EYS: variants seen among roughly 807,000 people sequenced by gnomAD.
EYS encodes protein eyes shut homolog.
In EYS, 250 loss-of-function variants were observed where a neutral mutation model predicts 282.1. The observed-to-expected ratio is 0.89, with a 90% CI of 0.80 to 0.98. EYS has a LOEUF of 0.98. Among genes scored for constraint, EYS ranks in the 50% least tolerant of loss-of-function variants. The pLI, the probability that EYS is intolerant of heterozygous loss-of-function variation, is 0.00. For missense variants in EYS, 4,016 were observed against 3,709.0 expected (o/e 1.08, Z -2.15); for synonymous variants, 1,355 against 1,282.9 (o/e 1.06, Z -1.20).
In EYS at chr6:64,190,593, C is replaced by T. The variant is rs1293396865; in HGVS notation, c.6424+39999G>A. Among the ~76,000 whole-genome samples, 3 of 152,182 alleles carry T rather than the reference C, an allele frequency of 2.0e-5. No homozygotes were observed. In the East Asian group the frequency reaches 5.8e-4, roughly 29 times the overall value. ...CTGAGGTAAAACCTAGCTCTTCTCA[C>T]TTCATAAATGGGAATTAAAACCCAA... On this transcript the variant is annotated intron_variant, in intron 31 of 42. Coordinates refer to ENST00000503581, the MANE Select transcript of EYS (RefSeq NM_001142800.2).
At chr6:65,250,882 A>T (rs553396141) in intron 12 of EYS, among the ~76,000 whole-genome samples, 2 of 152,036 alleles carry the variant, frequency 1.3e-5, no homozygotes, top group African/African-American at 4.8e-5. Flanking sequence ...TTAATTCTAC[A>T]ATAATGCTAG....
At chr6:64,815,600 C>T (rs902940666) in intron 21 of EYS, among the ~76,000 whole-genome samples, 2 of 151,920 alleles carry the variant, frequency 1.3e-5, no homozygotes, top group African/African-American at 4.8e-5. Flanking sequence ...TAAAAGGATG[C>T]CTTTCGTTTT....
chr6:64,058,008 GAGA>G (rs1487539049), intron 33 of EYS, among the ~76,000 whole-genome samples: 3 of 152,108 alleles, frequency 2.0e-5, no homozygotes, highest in African/African-American at 7.2e-5. Flanking sequence ...ATTTTTCGTA[GAGA>G]CGGGGTTTCA....
Position 64,602,988 on chromosome 6 carries a change from A to G in EYS, c.3685-9679T>C, listed in dbSNP as rs1278392930. Among the ~76,000 whole-genome samples the G allele has an allele frequency of 2.6e-5, 4 of 151,986 alleles. No homozygotes were observed. In the South Asian group the frequency reaches 6.2e-4, roughly 24 times the overall value. On this transcript the variant is annotated intron_variant, in intron 24 of 42. Transcript: ENST00000503581. Reference sequence around the variant, plus strand: ...CACTAGAGGAAAAATGCAAGCTGGTAGAAGAATAGGTCCTATTGCCTCTTG... The same window carrying G: ...CACTAGAGGAAAAATGCAAGCTGGTGGAAGAATAGGTCCTATTGCCTCTTG...
chr6:64,266,261 T>C (rs1248615155), intron 30 of EYS, among the ~76,000 whole-genome samples: 2 of 152,090 alleles, frequency 1.3e-5, no homozygotes, highest in African/African-American at 4.8e-5. Context: ...TTAATTAAGA[T>C]GATTAAGTTT....
At chr6:64,453,855 T>C (rs1284050972) in intron 26 of EYS, among the ~76,000 whole-genome samples, 2 of 152,084 alleles carry the variant, frequency 1.3e-5, no homozygotes, top group African/African-American at 4.8e-5. Flanking sequence ...CGGGGACTGT[T>C]GTGGCGTGGG....
At chr6:65,681,881 C>A (rs548061867) in intron 1 of EYS, among the ~76,000 whole-genome samples, 7 of 152,024 alleles carry the variant, frequency 4.6e-5, no homozygotes, top group African/African-American at 7.2e-5. Context: ...AAAATCTAAT[C>A]ATTAAGAAAT....
intron 31 of EYS, among the ~76,000 whole-genome samples, chr6:64,191,524 T>C (rs1388806001): frequency 5.7e-5 from 8 of 139,988 alleles, no homozygotes; most frequent in African/African-American, 2.1e-4. Flanking sequence ...TTCCCCTTCC[T>C]GTGTCCATGT....
chr6:64,312,814 C>A (rs1237596114), intron 29 of EYS, among the ~76,000 whole-genome samples: 2 of 152,204 alleles, frequency 1.3e-5, no homozygotes, highest in African/African-American at 2.4e-5. Flanking sequence ...AGAAAACTAA[C>A]AAACAGAAAG....
chr6:65,268,835 T>A (rs1031042981), intron 12 of EYS, among the ~76,000 whole-genome samples: 1 of 151,988 alleles, frequency 6.6e-6, no homozygotes, highest in Admixed American at 6.6e-5. Context: ...TGCTAAGATC[T>A]CTTGATATAA....
intron 5 of EYS, among the ~76,000 whole-genome samples, chr6:65,466,757 G>C (rs1298042461): frequency 1.3e-5 from 2 of 152,152 alleles, no homozygotes; most frequent in African/African-American, 4.8e-5. Context: ...AAGACCTTCA[G>C]ACACTAATTG....
At chr6:64,673,770 T>G (rs978601246) in intron 22 of EYS, among the ~76,000 whole-genome samples, 2 of 152,034 alleles carry the variant, frequency 1.3e-5, no homozygotes, top group African/African-American at 4.8e-5. Context: ...TACAGACAAC[T>G]AAACCACATT....
intron 15 of EYS, among the ~76,000 whole-genome samples, chr6:64,940,713 T>G (rs1021249997): frequency 1.2e-4 from 18 of 152,068 alleles, no homozygotes; most frequent in African/African-American, 3.9e-4. Flanking sequence ...CTTTTTTTTG[T>G]CACATAGTAT....
chr6:65,633,848 A>G (rs1767001382), intron 2 of EYS, among the ~76,000 whole-genome samples: 1 of 152,188 alleles, frequency 6.6e-6, no homozygotes, highest in African/African-American at 2.4e-5. Flanking sequence ...CATATTGTCT[A>G]TGGCTGTTTT....
chr6:63,811,194 G>T (rs539869665), intron 36 of EYS, among the ~76,000 whole-genome samples: 2 of 152,262 alleles, frequency 1.3e-5, no homozygotes, highest in South Asian at 4.1e-4. Flanking sequence ...ATGTTTCTCT[G>T]CTCAACATAC....
chr6:65,380,914 C>T (rs1394466338), intron 8 of EYS, among the ~76,000 whole-genome samples: 9 of 151,924 alleles, frequency 5.9e-5, no homozygotes, highest in East Asian at 1.9e-4. Flanking sequence ...CAAACCACAA[C>T]GAGATACCAT....
chr6:64,353,232 T>C (rs1200876257), intron 29 of EYS, among the ~76,000 whole-genome samples: 5 of 151,556 alleles, frequency 3.3e-5, no homozygotes, highest in Non-Finnish European at 5.9e-5. Flanking sequence ...TCTTTCTGAA[T>C]AGTAGTCTGT....
intron 13 of EYS, 138 bp from the exon 14 acceptor site, chr6:64,997,841 A>C (rs1381021974): frequency 8.8e-6 from 6 of 679,282 alleles, no homozygotes; most frequent in African/African-American, 1.8e-5. Context: ...TATTTAATCG[A>C]TTACATAGTC....
intron 14 of EYS, among the ~76,000 whole-genome samples, chr6:64,991,286 C>T (rs948877460): frequency 6.6e-6 from 1 of 151,464 alleles, no homozygotes; most frequent in Non-Finnish European, 1.5e-5. Context: ...ATAAACATAG[C>T]AGGCTGTTTA....
Sources: allele counts gnomAD v4.1 joint callset (sites outside exome capture counted in the v4.1 genomes callset), GRCh38; gene constraint gnomAD v4.1.1; transcripts MANE v1.5; gene names NCBI Gene and HGNC (gene_info 2026-07-23, HGNC 2026-07-21).